MORC1: variants seen among roughly 807,000 people sequenced by gnomAD.
The protein encoded by MORC1 is MORC family CW-type zinc finger 1.
MORC1 carries 59 observed loss-of-function variants against 134.9 expected under a neutral mutation model. That is an observed-to-expected ratio of 0.44 (90% CI 0.35 to 0.54). The LOEUF (loss-of-function observed/expected upper bound fraction) is 0.54, where lower values mean the gene tolerates loss of function less well. Among genes scored for constraint, MORC1 ranks in the 20% least tolerant of loss-of-function variants. MORC1 has a pLI of 0.00. For missense variants in MORC1, 947 were observed against 1,134.5 expected (o/e 0.83, Z 2.37); for synonymous variants, 395 against 391.7 (o/e 1.01, Z -0.10).
chr3:109,021,110 C>G (rs1189159747), intron 17 of MORC1, among the ~76,000 whole-genome samples: 3 of 152,094 alleles, frequency 2.0e-5, no homozygotes, highest in Non-Finnish European at 4.4e-5. Flanking sequence ...CAGCGAGCAG[C>G]CTGCTGCGGA....
At chr3:109,074,040 T>C (rs958491986) in intron 8 of MORC1, among the ~76,000 whole-genome samples, 16 of 152,172 alleles carry the variant, frequency 1.1e-4, no homozygotes, top group African/African-American at 3.9e-4. Flanking sequence ...GCAGCTCAGT[T>C]AAGACATAAA....
intron 17 of MORC1, among the ~76,000 whole-genome samples, chr3:109,014,204 A>G (rs1311490182): frequency 6.6e-6 from 1 of 152,220 alleles, no homozygotes; most frequent in Non-Finnish European, 1.5e-5. Context: ...AAAGTCCCCT[A>G]TAACACTTTA....
chr3:108,966,122 A>G (rs1183846252), intron 26 of MORC1, among the ~76,000 whole-genome samples: 2 of 152,186 alleles, frequency 1.3e-5, no homozygotes, highest in Admixed American at 6.5e-5. Context: ...AATTAAGGTG[A>G]GAAAATAATT....
chr3:108,986,890 A>C lies in MORC1; in HGVS notation c.2247T>G (p.Leu749=), dbSNP rs114067906. 2 of 1,566,632 alleles carry C rather than the reference A, an allele frequency of 1.3e-6. No homozygotes were observed. The highest frequency in any genetic ancestry group is 2.7e-5 in the African/African-American group (2 of 72,748). The part of the protein sequence containing the change: ...SLKQEKKEIP[L]LNQEKQELCN... Reference sequence around the variant, plus strand: ...CTGATTTTTTTTTACCTTGGTTTAAAAGAGGAATTTCCTTTTTTTCTTGTT... The same window carrying C: ...CTGATTTTTTTTTACCTTGGTTTAACAGAGGAATTTCCTTTTTTTCTTGTT... The change falls in exon 22 of 28, where the codon CTT becomes CTG. Residue 749 remains leucine, a synonymous_variant. Transcript: ENST00000232603.
At chr3:109,075,976 G>A (rs899807235) in intron 8 of MORC1, among the ~76,000 whole-genome samples, 5 of 152,036 alleles carry the variant, frequency 3.3e-5, no homozygotes, top group Non-Finnish European at 7.4e-5. Context: ...AGCCAAAATT[G>A]ACAAATGGGA....
chr3:108,987,047 A>G, intron 21 of MORC1, 98 bp from the exon 22 acceptor site: 1 of 839,150 alleles, frequency 1.2e-6, no homozygotes, highest in Non-Finnish European at 1.8e-6. Context: ...AGCAGAAAAG[A>G]AATCATAATG....
chr3:109,018,860 T>A (rs1319429565), intron 17 of MORC1: 1 of 152,154 alleles, frequency 6.6e-6, no homozygotes, highest in East Asian at 1.9e-4. Flanking sequence ...TTTGCAAACA[T>A]CTAGCTTAAT....
intron 14 of MORC1, among the ~76,000 whole-genome samples, chr3:109,048,541 A>G (rs1465005292): frequency 2.0e-5 from 3 of 152,116 alleles, no homozygotes; most frequent in Non-Finnish European, 4.4e-5. Context: ...AATCTCCCAT[A>G]TGTATTAGTT....
At chr3:108,979,490 G>A (rs765858341) in intron 24 of MORC1, 25 bp downstream of exon 24, 1 of 1,610,628 alleles carries the variant, frequency 6.2e-7, no homozygotes, top group Non-Finnish European at 8.5e-7. Flanking sequence ...AAAGCATGTG[G>A]AAATATGTGA....
chr3:108,997,009 CAAAAAAAAAAA>C lies in MORC1; in HGVS notation c.2187+3537_2187+3547del, dbSNP rs36087713. ...TGGGTGACAGAGCGAGACTCTGTCT[CAAAAAAAAAAA>C]AAAAAAAAAAAAAAAATGCTGTGGA... On this transcript the variant is annotated intron_variant, in intron 21 of 27. Coordinates refer to ENST00000232603, the MANE Select transcript of MORC1 (RefSeq NM_014429.4). Among the ~76,000 whole-genome samples the C allele has an allele frequency of 3.7e-3, 116 of 31,566 alleles. 1 individual carries two copies. Among genetic ancestry groups the C allele is most frequent in the African/African-American group, 0.012 (104 of 8,348 alleles). 20.7% of individuals were successfully genotyped at this position (31,566 alleles called of 152,430 possible).
intron 8 of MORC1, among the ~76,000 whole-genome samples, chr3:109,087,140 C>G (rs1385257507): frequency 1.3e-5 from 2 of 150,254 alleles, no homozygotes; most frequent in Non-Finnish European, 3.0e-5. Flanking sequence ...CTCTGCCCCC[C>G]AAATTAATGC....
chr3:109,100,493 T>C lies in MORC1; in HGVS notation c.238A>G (p.Ile80Val), dbSNP rs200551004. ...CGMSPEEASD[I>V]IYFGRSKKRL... Reference sequence around the variant, plus strand: ...TTTTTGGATCGTCCAAAGTAAATGATGTCTGAAGCTTCCTCTGTAATTGAC... The same window carrying C: ...TTTTTGGATCGTCCAAAGTAAATGACGTCTGAAGCTTCCTCTGTAATTGAC... The change falls in exon 5 of 28, where the codon ATC (isoleucine) becomes GTC (valine). Residue 80 changes from isoleucine to valine, a missense_variant. By Grantham distance (29) the Ile-to-Val change is conservative (BLOSUM62 3). Around this residue, in one of 3 missense-constraint regions of MORC1, gnomAD observed 214 missense variants for 281.3 expected, o/e 0.76. Transcript: ENST00000232603. 2.9e-5 allele frequency: 46 copies of C among 1,612,688 alleles called. No homozygotes were observed. Among genetic ancestry groups the C allele is most frequent in the Non-Finnish European group, 2.5e-6 (3 of 1,178,804 alleles).
chr3:108,991,662 C>T (rs1230478102), intron 21 of MORC1, among the ~76,000 whole-genome samples: 1 of 152,174 alleles, frequency 6.6e-6, no homozygotes, highest in African/African-American at 2.4e-5. Context: ...GCTTCATCGG[C>T]ATCATCAACC....
At position 109,015,299 on chromosome 3, in the gene MORC1, G is replaced by C. The variant is rs1397160199; in HGVS notation, c.1705-8208C>G. Among the ~76,000 whole-genome samples the C allele has an allele frequency of 2.0e-5, 3 of 152,094 alleles. No individual in the cohort carries two copies. The East Asian group carries it at 5.8e-4, about 29-fold the overall frequency. ...TTGGAAGAACACAGCAAGAGATAGG[G>C]GAAGAATTCAAAGACAGCTGCACTG... On this transcript the variant is annotated intron_variant, in intron 17 of 27. Transcript: ENST00000232603.
intron 14 of MORC1, among the ~76,000 whole-genome samples, chr3:109,053,700 G>A (rs1459396376): frequency 1.3e-5 from 2 of 152,134 alleles, no homozygotes; most frequent in African/African-American, 4.8e-5. Context: ...GACAAGTTTA[G>A]TCATATCCCA....
chr3:108,967,382 A>G (rs1947252257), intron 26 of MORC1, among the ~76,000 whole-genome samples: 1 of 152,166 alleles, frequency 6.6e-6, no homozygotes, highest in South Asian at 2.1e-4. Context: ...AGAGTCCCCT[A>G]ACCAGTAAGT....
intron 13 of MORC1, among the ~76,000 whole-genome samples, chr3:109,056,985 T>C (rs957759222): frequency 5.9e-5 from 9 of 152,224 alleles, no homozygotes; most frequent in African/African-American, 2.2e-4. Context: ...TACAAGACTA[T>C]GGATTTTTCT....
At chr3:109,061,842 T>C in intron 11 of MORC1, 146 bp downstream of exon 11, 3 of 751,974 alleles carry the variant, frequency 4.0e-6, no homozygotes, top group Non-Finnish European at 6.7e-6. Context: ...ATCTATTCTG[T>C]TTACCTGAGT....
At chr3:108,959,819 A>G (rs769436981) in intron 27 of MORC1, among the ~76,000 whole-genome samples, 3 of 152,216 alleles carry the variant, frequency 2.0e-5, no homozygotes, top group Non-Finnish European at 4.4e-5. Context: ...TGAAGCACTA[A>G]AAGGATAAGA....
Sources: gnomAD v4.1 joint callset for allele counts (sites outside exome capture counted in the v4.1 genomes callset) on GRCh38, gnomAD v4.1.1 for gene constraint, gnomAD v4.1.1 regional missense constraint, MANE v1.5 for transcripts, NCBI Gene and HGNC (gene_info 2026-07-23, HGNC 2026-07-21) for gene names.